The following MDGA2 variants were observed in gnomAD, a reference collection of about 807,000 sequenced individuals.
MDGA2 encodes MAM domain-containing glycosylphosphatidylinositol anchor protein 2.
MDGA2 carries 40 observed loss-of-function variants against 117.8 expected under a neutral mutation model. The ratio of observed to expected loss-of-function variants is 0.34; its 90% confidence interval spans 0.26 to 0.44. The LOEUF (loss-of-function observed/expected upper bound fraction) is 0.44. Ranked by LOEUF, MDGA2 falls within the 20% of genes least tolerant of loss-of-function variation. The pLI is 1.00. For synonymous variants in MDGA2, 452 were observed against 439.0 expected, an observed-to-expected ratio of 1.03 and a Z score of -0.37; for missense variants, 1,123 against 1,250.6, an observed-to-expected ratio of 0.90 and a Z score of 1.54.
At chr14:47,479,157 T>C (rs1893902053) in intron 1 of MDGA2, among the ~76,000 whole-genome samples, 2 of 152,200 alleles carry the variant, frequency 1.3e-5, no homozygotes. Flanking sequence ...ATCTTGTCTT[T>C]TGAGATGTAG....
intron 5 of MDGA2, among the ~76,000 whole-genome samples, chr14:47,122,065 C>G (rs1389197080): frequency 6.6e-6 from 1 of 151,942 alleles, no homozygotes; most frequent in Non-Finnish European, 1.5e-5. Flanking sequence ...TTGTAGCAAC[C>G]TCATTTCCTC....
At chr14:47,355,889 G>A (rs1890983299) in intron 1 of MDGA2, among the ~76,000 whole-genome samples, 1 of 152,144 alleles carries the variant, frequency 6.6e-6, no homozygotes. Flanking sequence ...TTCTGAATGG[G>A]AATGCACATT....
intron 1 of MDGA2, among the ~76,000 whole-genome samples, chr14:47,551,024 T>C (rs1031927335): frequency 1.3e-5 from 2 of 152,186 alleles, no homozygotes; most frequent in African/African-American, 4.8e-5. Flanking sequence ...AGAGTCTTAT[T>C]AATTTACACT....
chr14:47,047,592 C>T (rs1262464527), intron 7 of MDGA2, among the ~76,000 whole-genome samples: 1 of 152,064 alleles, frequency 6.6e-6, no homozygotes, highest in Admixed American at 6.6e-5. Context: ...TTTTTTAACA[C>T]TCATAACCTC....
chr14:47,553,903 G>A lies in MDGA2; in HGVS notation c.280+120614C>T, dbSNP rs539667083. 3.9e-5 allele frequency among the ~76,000 whole-genome samples: 6 copies of A among 152,220 alleles called. No individual in the cohort carries two copies. In the East Asian group the frequency reaches 9.6e-4, roughly 24 times the overall value. ...TACTTTCCTAATAGCTAAGTCACAG[G>A]TGAAATGAAATGAAGCATTCTGTTT... On this transcript the variant is annotated intron_variant, in intron 1 of 16. Transcript: ENST00000399232.
chr14:47,536,613 G>A (rs1018560967), intron 1 of MDGA2, among the ~76,000 whole-genome samples: 1 of 152,206 alleles, frequency 6.6e-6, no homozygotes, highest in African/African-American at 2.4e-5. Context: ...ACCGTTGTAA[G>A]AAATAATTGG....
At chr14:47,299,562 A>G (rs1018724516) in intron 2 of MDGA2, 1 of 152,210 alleles carries the variant, frequency 6.6e-6, no homozygotes, top group Non-Finnish European at 1.5e-5. Flanking sequence ...AAATATAATC[A>G]AATTATAACA....
At chr14:47,118,408 A>T (rs1881444454) in intron 5 of MDGA2, among the ~76,000 whole-genome samples, 1 of 152,230 alleles carries the variant, frequency 6.6e-6, no homozygotes, top group Non-Finnish European at 1.5e-5. Flanking sequence ...TACTATTTTT[A>T]AATGAAACAT....
chr14:47,111,685 G>A (rs1187866719), intron 5 of MDGA2, among the ~76,000 whole-genome samples: 2 of 152,074 alleles, frequency 1.3e-5, no homozygotes, highest in Non-Finnish European at 2.9e-5. Flanking sequence ...GTAACGAGGA[G>A]AAATTTAAAA....
chr14:47,383,532 A>G (rs997582286), intron 1 of MDGA2, among the ~76,000 whole-genome samples: 1 of 152,116 alleles, frequency 6.6e-6, no homozygotes, highest in Non-Finnish European at 1.5e-5. Flanking sequence ...GAGACTCATT[A>G]GAATTTCTTG....
At position 47,617,228 on chromosome 14, in the gene MDGA2, C is replaced by T. The variant is rs550431541; in HGVS notation, c.280+57289G>A. Among the ~76,000 whole-genome samples the T allele has an allele frequency of 1.2e-4, 18 of 148,458 alleles. No individual in the cohort carries two copies. The South Asian group carries it at 1.3e-3, about 10-fold the overall frequency. Reference sequence around the variant, plus strand: ...ATTAGTCTTTTTTTTTTTTTTGAGACGGAGGCTCGCTCTGTCGCCTAGGCT... The same window carrying T: ...ATTAGTCTTTTTTTTTTTTTTGAGATGGAGGCTCGCTCTGTCGCCTAGGCT... On this transcript the variant is annotated intron_variant, in intron 1 of 16. Coordinates refer to ENST00000399232, the MANE Select transcript of MDGA2 (RefSeq NM_001113498.3).
At chr14:47,559,505 G>A (rs761626153) in intron 1 of MDGA2, among the ~76,000 whole-genome samples, 2 of 151,014 alleles carry the variant, frequency 1.3e-5, no homozygotes, top group Non-Finnish European at 2.9e-5. Context: ...GGGCATTTGG[G>A]TTAATCTCGT....
intron 8 of MDGA2, among the ~76,000 whole-genome samples, chr14:46,972,369 A>G (rs1388463615): frequency 6.6e-6 from 1 of 152,198 alleles, no homozygotes; most frequent in Non-Finnish European, 1.5e-5. Context: ...GAAATCATCT[A>G]CTTGAGAAAA....
At chr14:47,357,484 A>T (rs1891021272) in intron 1 of MDGA2, among the ~76,000 whole-genome samples, 1 of 152,224 alleles carries the variant, frequency 6.6e-6, no homozygotes, top group Admixed American at 6.5e-5. Flanking sequence ...GGGTATATGC[A>T]GTCACCAGTA....
intron 2 of MDGA2, among the ~76,000 whole-genome samples, chr14:47,271,166 C>T (rs1239638311): frequency 6.6e-6 from 1 of 152,154 alleles, no homozygotes; most frequent in Non-Finnish European, 1.5e-5. Flanking sequence ...TTTCCTGCCC[C>T]CAAAGTCTTA....
chr14:47,286,820 T>C (rs1303054041), intron 2 of MDGA2, among the ~76,000 whole-genome samples: 3 of 118,234 alleles, frequency 2.5e-5, no homozygotes, highest in African/African-American at 8.5e-5. Flanking sequence ...TATATATATA[T>C]ATATACATAT....
At chr14:47,293,448 G>C (rs1888955657) in intron 2 of MDGA2, among the ~76,000 whole-genome samples, 1 of 152,102 alleles carries the variant, frequency 6.6e-6, no homozygotes, top group Non-Finnish European at 1.5e-5. Flanking sequence ...TCAAAGTCCA[G>C]GAGCCAAATC....
intron 1 of MDGA2, among the ~76,000 whole-genome samples, chr14:47,531,157 A>G (rs1895091803): frequency 6.6e-6 from 1 of 152,188 alleles, no homozygotes; most frequent in South Asian, 2.1e-4. Flanking sequence ...AGGCAGGAGA[A>G]TGGCGTGAAC....
chr14:47,613,145 C>A (rs1300705482), intron 1 of MDGA2, among the ~76,000 whole-genome samples: 1 of 152,046 alleles, frequency 6.6e-6, no homozygotes, highest in Non-Finnish European at 1.5e-5. Flanking sequence ...CTACCATTAC[C>A]TTATTTTCCT....
Sources: gnomAD v4.1 joint callset for allele counts (sites outside exome capture counted in the v4.1 genomes callset) on GRCh38, gnomAD v4.1.1 for gene constraint, MANE v1.5 for transcripts, NCBI Gene and HGNC (gene_info 2026-07-23, HGNC 2026-07-21) for gene names.